Variants in SUGCT observed in about 807,000 individuals in gnomAD.
SUGCT encodes the protein succinyl-CoA:glutarate CoA-transferase.
Under a neutral mutation model 55.0 loss-of-function variants are expected in SUGCT, and 41 were observed. The ratio of observed to expected loss-of-function variants is 0.74; its 90% CI spans 0.58 to 0.97. The LOEUF (loss-of-function observed/expected upper bound fraction) is 0.97. Among genes scored for constraint, SUGCT ranks in the 50% least tolerant of loss-of-function variants. SUGCT has a pLI of 0.00. For missense variants in SUGCT, 568 were observed against 547.8 expected, an observed-to-expected ratio of 1.04 and a Z score of -0.37; for synonymous variants, 187 against 200.4, an observed-to-expected ratio of 0.93 and a Z score of 0.56.
At chr7:40,296,217 G>A (rs771782470) in intron 8 of SUGCT, among the ~76,000 whole-genome samples, 6 of 152,168 alleles carry the variant, frequency 3.9e-5, no homozygotes, top group Non-Finnish European at 7.3e-5. Context: ...TAAAAGATAG[G>A]TTATTACTTA....
chr7:40,791,005 G>A (rs567960756), intron 13 of SUGCT, among the ~76,000 whole-genome samples: 6 of 152,238 alleles, frequency 3.9e-5, no homozygotes, highest in Non-Finnish European at 7.4e-5. Flanking sequence ...ATACTTCCAG[G>A]ATATGGAGGA....
At chr7:40,927,187 C>T in the SUGCT span, among the ~76,000 whole-genome samples, 1 of 152,092 alleles carries the variant, frequency 6.6e-6, no homozygotes, top group Non-Finnish European at 1.5e-5. Flanking sequence ...ACTTAGCATT[C>T]CCTAAGGTAT....
chr7:40,251,650 C>T (rs961045597), intron 7 of SUGCT, among the ~76,000 whole-genome samples: 19 of 152,144 alleles, frequency 1.2e-4, no homozygotes, highest in Non-Finnish European at 4.4e-5. Flanking sequence ...TGGTTCTGGG[C>T]CTGAGACTTT....
At chr7:40,193,791 G>A (rs1774466906) in intron 5 of SUGCT, among the ~76,000 whole-genome samples, 1 of 151,448 alleles carries the variant, frequency 6.6e-6, no homozygotes, top group Non-Finnish European at 1.5e-5. Flanking sequence ...AGTAGAGACA[G>A]GGTTTTACCA....
At chr7:40,692,120 A>G (rs116882469) in intron 12 of SUGCT, among the ~76,000 whole-genome samples, 3,711 of 152,172 alleles carry the variant, frequency 0.024, 63 homozygotes, top group Non-Finnish European at 0.039. Flanking sequence ...AGTAAACCCT[A>G]TTCTGTGTCT....
chr7:40,555,953 G>A (rs925335678), intron 12 of SUGCT, among the ~76,000 whole-genome samples: 2 of 152,018 alleles, frequency 1.3e-5, no homozygotes, highest in Non-Finnish European at 2.9e-5. Flanking sequence ...TCTTAGCAAT[G>A]TGTTTGCCCC....
chr7:40,357,315 C>T (rs932397071), intron 9 of SUGCT, among the ~76,000 whole-genome samples: 5 of 152,144 alleles, frequency 3.3e-5, no homozygotes, highest in African/African-American at 1.2e-4. Flanking sequence ...TGCTTTGTCA[C>T]CTAATTTAAT....
At chr7:41,009,370 G>T in the SUGCT span, among the ~76,000 whole-genome samples, 1 of 152,308 alleles carries the variant, frequency 6.6e-6, no homozygotes, top group African/African-American at 2.4e-5. Context: ...ATTAGAGGAA[G>T]GAGACTGAAC....
At chr7:40,786,734 A>T (rs914948972) in intron 13 of SUGCT, among the ~76,000 whole-genome samples, 3 of 152,282 alleles carry the variant, frequency 2.0e-5, no homozygotes, top group Middle Eastern at 3.4e-3. Flanking sequence ...CCCTCACTAA[A>T]AATAATAGAA....
At chr7:40,406,212 A>T (rs974243029) in intron 9 of SUGCT, among the ~76,000 whole-genome samples, 15 of 152,150 alleles carry the variant, frequency 9.9e-5, no homozygotes, top group African/African-American at 3.6e-4. Context: ...AGTCTGGATG[A>T]CGCCAGCTGG....
chr7:40,876,475 G>T, the SUGCT span, among the ~76,000 whole-genome samples: 1 of 152,120 alleles, frequency 6.6e-6, no homozygotes, highest in Non-Finnish European at 1.5e-5. Context: ...AGAAATACAG[G>T]CTGGGCATAT....
the SUGCT span, among the ~76,000 whole-genome samples, chr7:40,914,264 A>ATTTTTTTCTTTT: frequency 1.5e-5 from 2 of 136,364 alleles, no homozygotes; most frequent in South Asian, 4.8e-4. Flanking sequence ...TTATTTATTT[A>ATTTTTTTCTTTT]TTTTTTTCTT....
At chr7:40,532,942 T>A (rs966642366) in intron 12 of SUGCT, among the ~76,000 whole-genome samples, 1 of 152,198 alleles carries the variant, frequency 6.6e-6, no homozygotes, top group African/African-American at 2.4e-5. Flanking sequence ...TTAATTTTTA[T>A]TGAGTTGCTT....
chr7:40,205,123 G>A (rs1334757424), intron 6 of SUGCT, among the ~76,000 whole-genome samples: 1 of 150,436 alleles, frequency 6.6e-6, no homozygotes, highest in Non-Finnish European at 1.5e-5. Context: ...GCGTGGTGGC[G>A]TGTGCCTGTA....
intron 9 of SUGCT, among the ~76,000 whole-genome samples, chr7:40,377,939 T>G (rs574819625): frequency 4.6e-5 from 7 of 152,330 alleles, no homozygotes; most frequent in African/African-American, 1.7e-4. Flanking sequence ...CTCCATGGTT[T>G]CTAATCAGAA....
intron 8 of SUGCT, among the ~76,000 whole-genome samples, chr7:40,286,131 C>G (rs765310390): frequency 2.0e-5 from 3 of 152,088 alleles, no homozygotes; most frequent in Non-Finnish European, 4.4e-5. Context: ...CCAGAGTATA[C>G]AATGAATGAT....
At chr7:40,393,692 A>G (rs149940927) in intron 9 of SUGCT, among the ~76,000 whole-genome samples, 4 of 152,272 alleles carry the variant, frequency 2.6e-5, no homozygotes, top group African/African-American at 9.6e-5. Context: ...GAAGTCTGGA[A>G]TAAAGAGATA....
At chr7:40,404,002 G>A (rs543950488) in intron 9 of SUGCT, among the ~76,000 whole-genome samples, 1 of 152,220 alleles carries the variant, frequency 6.6e-6, no homozygotes, top group East Asian at 1.9e-4. Context: ...CCTTTTCCAC[G>A]CTGTAGCCAT....
chr7:40,905,809 C>A, the SUGCT span, among the ~76,000 whole-genome samples: 1 of 151,224 alleles, frequency 6.6e-6, no homozygotes, highest in African/African-American at 2.4e-5. Flanking sequence ...GCCTCAAATT[C>A]CTGGGCTCAA....
Sources: allele counts gnomAD v4.1 joint callset (sites outside exome capture counted in the v4.1 genomes callset), GRCh38; gene constraint gnomAD v4.1.1; transcripts MANE v1.5; gene names NCBI Gene and HGNC (gene_info 2026-07-23, HGNC 2026-07-21).